The following BCL2 variants were observed in gnomAD, a reference collection of about 807,000 sequenced individuals.
BCL2 encodes the protein BCL2 apoptosis regulator.
BCL2 carries 1 observed loss-of-function variant against 14.2 expected under a neutral mutation model. The observed-to-expected ratio is 0.07, with a 90% CI of 0.02 to 0.33. The LOEUF (loss-of-function observed/expected upper bound fraction) is 0.33. Ranked by LOEUF, BCL2 falls within the 10% of genes least tolerant of loss-of-function variation. The probability of loss-of-function intolerance (pLI) is 0.99; values close to 1 mark genes in which losing one functional copy is unlikely to be tolerated. For synonymous variants in BCL2, 151 were observed against 137.2 expected (o/e 1.10, Z -0.70); for missense variants, 247 against 305.9 (o/e 0.81, Z 1.44).
chr18:63,226,095 A>G (rs1040471292), intron 2 of BCL2, among the ~76,000 whole-genome samples: 4 of 152,186 alleles, frequency 2.6e-5, no homozygotes, highest in Admixed American at 1.3e-4. Flanking sequence ...ATGGAAGGTA[A>G]TCTTCCCCTG....
intron 2 of BCL2, among the ~76,000 whole-genome samples, chr18:63,253,778 G>A (rs1911384928): frequency 2.0e-5 from 3 of 151,434 alleles, no homozygotes; most frequent in Non-Finnish European, 2.9e-5. Context: ...ATGATTCTCA[G>A]TAAATTGTGG....
rs1913935478 is a variant in BCL2 at position 63,127,284 on chromosome 18, G to T, written c.*1341C>A. The T allele has an allele frequency of 4.3e-6, 1 of 231,412 alleles. No homozygotes were observed. Among genetic ancestry groups the T allele is most frequent in the Non-Finnish European group, 8.6e-6 (1 of 116,820 alleles). 14.3% of individuals were successfully genotyped at this position (231,412 alleles called of 1,614,324 possible). On this transcript the variant is annotated 3_prime_UTR_variant, in exon 3 of 3. Coordinates refer to ENST00000333681, the MANE Select transcript of BCL2 (RefSeq NM_000633.3). ...GGTGGGCCAAGGCCACACAGCCAAC[G>T]TGCCATGTGCTACAGCCAAAATGGG...
intron 2 of BCL2, among the ~76,000 whole-genome samples, chr18:63,241,124 AC>A (rs1212563575): frequency 2.0e-5 from 3 of 152,258 alleles, no homozygotes; most frequent in Non-Finnish European, 2.9e-5. Flanking sequence ...AACTTTATTT[AC>A]AAAAGCACGT....
intron 2 of BCL2, among the ~76,000 whole-genome samples, chr18:63,259,855 C>T (rs1167443997): frequency 6.6e-6 from 1 of 152,246 alleles, no homozygotes; most frequent in Non-Finnish European, 1.5e-5. Flanking sequence ...ATTCTGTGAA[C>T]TCTCCCTTCC....
intron 2 of BCL2, among the ~76,000 whole-genome samples, chr18:63,219,323 T>C (rs1910314309): frequency 6.6e-6 from 1 of 152,168 alleles, no homozygotes; most frequent in South Asian, 2.1e-4. Flanking sequence ...GATTGTCCTT[T>C]CTCCTGAACT....
chr18:63,183,361 G>A (rs1362746497), intron 2 of BCL2, among the ~76,000 whole-genome samples: 6 of 152,212 alleles, frequency 3.9e-5, no homozygotes, highest in Admixed American at 3.9e-4. Context: ...AGGAGTTGGT[G>A]TTGTGGCTCA....
chr18:63,257,278 T>C (rs1216989902), intron 2 of BCL2, among the ~76,000 whole-genome samples: 1 of 152,210 alleles, frequency 6.6e-6, no homozygotes, highest in Non-Finnish European at 1.5e-5. Context: ...CAAACATTTA[T>C]AAGACACAAA....
chr18:63,245,692 G>C (rs1158841518), intron 2 of BCL2, among the ~76,000 whole-genome samples: 1 of 152,190 alleles, frequency 6.6e-6, no homozygotes, highest in Non-Finnish European at 1.5e-5. Context: ...TTGATAATGT[G>C]ATGCTATATA....
At chr18:63,218,686 C>A (rs1394255949) in intron 2 of BCL2, among the ~76,000 whole-genome samples, 1 of 93,948 alleles carries the variant, frequency 1.1e-5, no homozygotes, top group Non-Finnish European at 2.2e-5. Context: ...CCATCCTCCA[C>A]TCATCCCATT....
At chr18:63,311,542 T>G (rs1023300184) in intron 2 of BCL2, among the ~76,000 whole-genome samples, 18 of 152,222 alleles carry the variant, frequency 1.2e-4, no homozygotes, top group African/African-American at 3.6e-4. Context: ...GGGTTGTTTT[T>G]GGGAGACATG....
chr18:63,218,814 C>T (rs1239806090), intron 2 of BCL2, among the ~76,000 whole-genome samples: 1 of 137,072 alleles, frequency 7.3e-6, no homozygotes, highest in African/African-American at 2.7e-5. Context: ...CCCCTCCACT[C>T]ATCCCCATCC....
intron 2 of BCL2, among the ~76,000 whole-genome samples, chr18:63,293,420 C>G (rs1912709549): frequency 6.6e-6 from 1 of 152,226 alleles, no homozygotes; most frequent in African/African-American, 2.4e-5. Context: ...CCTGCTTGAT[C>G]TATTTTCCTC....
intron 2 of BCL2, among the ~76,000 whole-genome samples, chr18:63,226,831 G>A (rs1910561408): frequency 1.3e-5 from 2 of 151,984 alleles, no homozygotes; most frequent in African/African-American, 4.8e-5. Context: ...ACAAAAAAGA[G>A]AGACATGAGA....
At chr18:63,275,497 G>A (rs1345146251) in intron 2 of BCL2, among the ~76,000 whole-genome samples, 1 of 152,146 alleles carries the variant, frequency 6.6e-6, no homozygotes, top group Non-Finnish European at 1.5e-5. Context: ...TTCCATTCTG[G>A]TGCTAAATAC....
chr18:63,243,875 T>C (rs969120173), intron 2 of BCL2, among the ~76,000 whole-genome samples: 9 of 152,248 alleles, frequency 5.9e-5, no homozygotes, highest in African/African-American at 2.2e-4. Context: ...TCCTCTCTTC[T>C]GGCTTTCAAC....
At chr18:63,277,572 TC>T (rs1228254872) in intron 2 of BCL2, among the ~76,000 whole-genome samples, 2 of 112,536 alleles carry the variant, frequency 1.8e-5, no homozygotes, top group African/African-American at 6.3e-5. Flanking sequence ...GGAGATCATG[TC>T]CTTTTTTTTT....
intron 2 of BCL2, among the ~76,000 whole-genome samples, chr18:63,194,491 C>A (rs1156476179): frequency 1.3e-5 from 2 of 151,928 alleles, no homozygotes; most frequent in South Asian, 4.1e-4. Flanking sequence ...TGCGCTACCA[C>A]GCCCAGCTAA....
intron 2 of BCL2, among the ~76,000 whole-genome samples, chr18:63,220,982 T>C (rs141649166): frequency 1.5e-3 from 221 of 152,282 alleles, no homozygotes; most frequent in African/African-American, 4.8e-3. Flanking sequence ...TATATGTGGC[T>C]TTTCCAAAAT....
chr18:63,134,266 T>C (rs1022730550), intron 2 of BCL2, among the ~76,000 whole-genome samples: 3 of 152,164 alleles, frequency 2.0e-5, no homozygotes, highest in African/African-American at 4.8e-5. Flanking sequence ...ATATACTACA[T>C]AGAATAATGT....
Sources: allele counts gnomAD v4.1 joint callset (sites outside exome capture counted in the v4.1 genomes callset), GRCh38; gene constraint gnomAD v4.1.1; transcripts MANE v1.5; gene names NCBI Gene and HGNC (gene_info 2026-07-23, HGNC 2026-07-21).